SMPD4: variants seen among roughly 807,000 people sequenced by gnomAD.
SMPD4 encodes the protein neutral sphingomyelinase 3.
SMPD4 carries 58 observed loss-of-function variants against 97.8 expected under a neutral mutation model. The ratio of observed to expected loss-of-function variants is 0.59; its 90% CI spans 0.48 to 0.74. SMPD4 has a LOEUF of 0.74. SMPD4 is among the 30% of genes least tolerant of loss of function. SMPD4 has a pLI of 0.00. For missense variants in SMPD4, 853 were observed against 1,080.5 expected (o/e 0.79, Z 2.95); for synonymous variants, 388 against 450.0 (o/e 0.86, Z 1.74).
rs746311027 is a variant in SMPD4, at chr2:130,161,282, G to A, written c.865-10C>T. 8 of 1,613,424 alleles carry A rather than the reference G, an allele frequency of 5.0e-6. No homozygotes were observed. The highest frequency in any genetic ancestry group is 1.6e-4 in the Middle Eastern group (1 of 6,080). ...AGTGCAGAACCTCCAGCTGAGATAAGAAACAGAGAGATGCCGGAAGAGGCC... is the reference window on the plus strand; with the variant it reads ...AGTGCAGAACCTCCAGCTGAGATAAAAAACAGAGAGATGCCGGAAGAGGCC... On this transcript the variant is annotated splice_polypyrimidine_tract_variant and intron_variant, in intron 10 of 19. Transcript: ENST00000680298.
intron 11 of SMPD4, 136 bp from the exon 12 acceptor site, chr2:130,157,532 G>A: frequency 6.7e-7 from 1 of 1,492,368 alleles, no homozygotes; most frequent in South Asian, 1.3e-5. Flanking sequence ...GGCCAGGAGT[G>A]GGGCCACCCC....
intron 1 of SMPD4, chr2:130,181,201 C>G (rs1270079919): frequency 8.9e-7 from 1 of 1,123,026 alleles, no homozygotes; most frequent in African/African-American, 1.6e-5. Context: ...GGCTCTTACA[C>G]CCACACCGCC....
chr2:130,173,839 C>G (rs1425485801), intron 3 of SMPD4, among the ~76,000 whole-genome samples, 183 bp from the exon 4 acceptor site: 2 of 152,062 alleles, frequency 1.3e-5, no homozygotes, highest in African/African-American at 4.8e-5. Flanking sequence ...AGCAGCTTTA[C>G]GTTCTTCCAG....
At chr2:130,171,993 T>C (rs565290618) in intron 8 of SMPD4, among the ~76,000 whole-genome samples, 5 of 152,278 alleles carry the variant, frequency 3.3e-5, no homozygotes, top group African/African-American at 1.2e-4. Flanking sequence ...CTGGGGCCCA[T>C]AGAGATTCCT....
chr2:130,170,304 T>C (rs964309580), intron 8 of SMPD4, among the ~76,000 whole-genome samples: 31 of 151,852 alleles, frequency 2.0e-4, no homozygotes, highest in Admixed American at 1.3e-3. Flanking sequence ...CTGCTCAACA[T>C]GGTGAAACCC....
At position 130,167,645 on chromosome 2, in the gene SMPD4, C is replaced by T. The variant is rs10199611; in HGVS notation, c.660-55G>A. On this transcript the variant is annotated intron_variant, in intron 8 of 19. Coordinates refer to ENST00000680298, the MANE Select transcript of SMPD4 (RefSeq NM_017951.5). ...TACAGGCTCCCGCTGTAACTCGCTC[C>T]CGCTGTAACAGGGGCAATCTGGATA... 2.7e-3 allele frequency: 4,155 copies of T among 1,535,962 alleles called. 102 individuals carry two copies. The African/African-American group carries it at 0.051, about 19-fold the overall frequency.
chr2:130,177,626 G>A (rs1479506617), intron 1 of SMPD4, among the ~76,000 whole-genome samples: 1 of 151,700 alleles, frequency 6.6e-6, no homozygotes, highest in East Asian at 2.0e-4. Context: ...GAACCCAGGA[G>A]AGGTGGTTGC....
At chr2:130,166,950 G>A (rs1687988091) in intron 9 of SMPD4, among the ~76,000 whole-genome samples, 1 of 152,346 alleles carries the variant, frequency 6.6e-6, no homozygotes, top group South Asian at 2.1e-4. Context: ...GGGATCCTGG[G>A]ATGAAAAACG....
intron 8 of SMPD4, among the ~76,000 whole-genome samples, chr2:130,170,475 G>A (rs200133433): frequency 1.7e-3 from 130 of 76,580 alleles, no homozygotes; most frequent in East Asian, 2.5e-3. Flanking sequence ...AAAAAAAAAA[G>A]CACACAATGG....
intron 9 of SMPD4, among the ~76,000 whole-genome samples, chr2:130,166,044 G>A (rs139143993): frequency 2.4e-3 from 367 of 151,992 alleles, no homozygotes; most frequent in Non-Finnish European, 3.7e-3. Context: ...AAAAAGGGCC[G>A]GGCACGGTGG....
rs544855641 is a variant in SMPD4, at chr2:130,176,802, G to C, written c.-45-165C>G. 1.4e-4 allele frequency among the ~76,000 whole-genome samples: 22 copies of C among 152,148 alleles called. No individual in the cohort carries two copies. In the East Asian group the frequency reaches 3.3e-3, roughly 23 times the overall value. The stretch of plus-strand genomic sequence containing the variant: ...TCCTGGGTTCAAGCAATCCTCCCAC[G>C]TCAGTCTCCTGAGTACAGGCACGTG... On this transcript the variant is annotated intron_variant, in intron 1 of 19. Coordinates refer to ENST00000680298, the MANE Select transcript of SMPD4 (RefSeq NM_017951.5).
Position 130,153,697 on chromosome 2 carries a change from C to G in SMPD4, c.1893+5G>C. 1.2e-6 allele frequency: 2 copies of G among 1,613,246 alleles called. No homozygotes were observed. Among genetic ancestry groups the G allele is most frequent in the Non-Finnish European group, 1.7e-6 (2 of 1,179,558 alleles). Reference sequence around the variant, plus strand: ...TGGCGGTGGGGCAGGCCCCATAGCTCGTACCCGGAATATCTGGCGCAGGTA... The same window carrying G: ...TGGCGGTGGGGCAGGCCCCATAGCTGGTACCCGGAATATCTGGCGCAGGTA... On this transcript the variant is annotated splice_donor_5th_base_variant and intron_variant, in intron 17 of 19. Transcript: ENST00000680298.
intron 10 of SMPD4, among the ~76,000 whole-genome samples, chr2:130,163,898 C>T (rs532224163): frequency 4.6e-5 from 7 of 152,324 alleles, no homozygotes; most frequent in South Asian, 2.1e-4. Flanking sequence ...CCACTCGCCA[C>T]GAGAAGGGCT....
rs777001035 is a variant in SMPD4 at position 130,153,894 on chromosome 2, T to C, written c.1701A>G (p.Thr567=). Residue 567 remains threonine (T), a synonymous_variant, in exon 17 of 20, where the codon ACA becomes ACG. Transcript: ENST00000680298. ...LAQLITQAKH[T]AKSISDQCAE... is the part of the protein sequence containing the mutation. Reference sequence around the variant, plus strand: ...CACACTGGTCGGAGATGGACTTGGCTGTGTGTTTGGCCTGTGTGATGAGCT... The same window carrying C: ...CACACTGGTCGGAGATGGACTTGGCCGTGTGTTTGGCCTGTGTGATGAGCT... The C allele has an allele frequency of 6.2e-7, 1 of 1,613,852 alleles. No individual in the cohort carries two copies. Among genetic ancestry groups the C allele is most frequent in the Admixed American group, 1.7e-5 (1 of 60,014 alleles).
intron 1 of SMPD4, among the ~76,000 whole-genome samples, chr2:130,180,549 G>A (rs1263648282): frequency 2.0e-5 from 3 of 152,198 alleles, no homozygotes; most frequent in Non-Finnish European, 4.4e-5. Context: ...GGGATTACAG[G>A]CGTGAGTCAC....
chr2:130,179,431 T>C (rs1254061829), intron 1 of SMPD4, among the ~76,000 whole-genome samples: 1 of 151,526 alleles, frequency 6.6e-6, no homozygotes, highest in East Asian at 1.9e-4. Context: ...TCTTTTTTCT[T>C]TTTTTGACTG....
intron 8 of SMPD4, among the ~76,000 whole-genome samples, chr2:130,169,451 AGCTTACTCATATTG>A (rs1018930091): frequency 5.9e-5 from 9 of 152,198 alleles, no homozygotes; most frequent in African/African-American, 2.2e-4. Flanking sequence ...CATATCCTGT[AGCTTACTCATATTG>A]GCTTAGAGAA....
Position 130,172,333 on chromosome 2 carries a change from C to T in SMPD4, c.659+16G>A, listed in dbSNP as rs1403918024. On this transcript the variant is annotated intron_variant, in intron 8 of 19. Transcript: ENST00000680298. The stretch of plus-strand genomic sequence containing the variant: ...CCCTTATGGAAGGGCCAGGTCTTAA[C>T]AAAGGGCAGCCTTACCTGGGAGGTG... 1 of 1,559,128 alleles carries T rather than the reference C, an allele frequency of 6.4e-7. No individual in the cohort carries two copies. Among genetic ancestry groups the T allele is most frequent in the African/African-American group, 1.4e-5 (1 of 73,456 alleles).
chr2:130,172,640 G>A lies in SMPD4; in HGVS notation c.492C>T (p.Ser164=), dbSNP rs1412855752. The change falls in exon 7 of 20, where the codon AGC becomes AGT. Residue 164 remains serine (S), a synonymous_variant. Transcript: ENST00000680298. ...FEYYIFFFAL[S]LITQKPLPVS... ...CCTTCCTTACCTTCTGAGTGATGAG[G>A]CTCAAGGCAAAGAAGAATATGTAAT... The A allele has an allele frequency of 6.2e-7, 1 of 1,614,066 alleles. No individual in the cohort carries two copies. The highest frequency in any genetic ancestry group is 2.2e-5 in the East Asian group (1 of 44,894).
Sources: allele counts gnomAD v4.1 joint callset (sites outside exome capture counted in the v4.1 genomes callset), GRCh38; gene constraint gnomAD v4.1.1; transcripts MANE v1.5; gene names NCBI Gene and HGNC (gene_info 2026-07-23, HGNC 2026-07-21).